HEATR5B: variants seen among roughly 807,000 people sequenced by gnomAD.
HEATR5B encodes the protein HEAT repeat-containing protein 5B.
Under a neutral mutation model 224.1 loss-of-function variants are expected in HEATR5B, and 156 were observed. The ratio of observed to expected loss-of-function variants is 0.70; its 90% CI spans 0.61 to 0.80. HEATR5B has a LOEUF of 0.80. Ranked by LOEUF, HEATR5B falls within the 30% of genes least tolerant of loss-of-function variation. HEATR5B has a pLI of 0.00. For missense variants in HEATR5B, 2,323 were observed against 2,535.5 expected (o/e 0.92, Z 1.80); for synonymous variants, 1,027 against 893.0 (o/e 1.15, Z -2.68).
chr2:37,040,547 T>A lies in HEATR5B; in HGVS notation c.2857-29A>T. ...GAATAAAATATAATTTCATTTTAGT[T>A]GTAAGGAAGAATTCGAATGTACTGA... On this transcript the variant is annotated intron_variant, in intron 19 of 35. Transcript: ENST00000233099. 4 of 1,532,698 alleles carry A rather than the reference T, an allele frequency of 2.6e-6. No individual in the cohort carries two copies. The South Asian group carries it at 4.7e-5, about 18-fold the overall frequency. 94.9% of individuals were successfully genotyped at this position (1,532,698 alleles called of 1,614,324 possible).
rs567847253 is a variant in HEATR5B, at chr2:36,988,718, T to C, written c.5839A>G (p.Ile1947Val). 7.6e-5 allele frequency: 122 copies of C among 1,614,198 alleles called. 1 individual carries two copies. In the South Asian group the frequency reaches 1.3e-3, roughly 17 times the overall value. ...CCTTCTTGAACCGCTAAAAGCTCTA[T>C]GTTACTGGCTGGTCTGTTTCTTTCA... ...AVERNRPASNIELLAVQEGIK... is the reference protein window; with the variant it reads ...AVERNRPASNVELLAVQEGIK... The change falls in exon 35 of 36, where the codon ATA (isoleucine) becomes GTA (valine). Residue 1947 changes from isoleucine to valine, a missense_variant. This residue lies in a region of HEATR5B where 844 missense variants were observed against 812.9 expected (regional missense o/e 1.04). Transcript: ENST00000233099.
chr2:37,084,304 G>T lies in HEATR5B; in HGVS notation c.-58C>A, dbSNP rs750565370. 1.3e-5 allele frequency: 5 copies of T among 397,762 alleles called. No individual in the cohort carries two copies. The highest frequency in any genetic ancestry group is 1.4e-4 in the South Asian group (1 of 7,016). 24.6% of individuals were successfully genotyped at this position (397,762 alleles called of 1,614,324 possible). A position where few individuals can be genotyped will look rare whatever the true frequency, so the allele number is the denominator to read the frequency against. On this transcript the variant is annotated 5_prime_UTR_variant, in exon 1 of 36. Coordinates refer to ENST00000233099, the MANE Select transcript of HEATR5B (RefSeq NM_019024.3). ...GGAAGGGAAGATCAGCTGAGCTCCG[G>T]GGGTAGAAGCAGCCACCAAGAGACC...
At chr2:37,036,162 T>C (rs1171138948) in intron 21 of HEATR5B, among the ~76,000 whole-genome samples, 1 of 152,148 alleles carries the variant, frequency 6.6e-6, no homozygotes, top group African/African-American at 2.4e-5. Context: ...AAGAACAAAA[T>C]GTAAAAAGTG....
At chr2:37,067,116 C>G (rs1671635661) in intron 8 of HEATR5B, among the ~76,000 whole-genome samples, 1 of 152,098 alleles carries the variant, frequency 6.6e-6, no homozygotes, top group Admixed American at 6.5e-5. Flanking sequence ...TCAAGTGATC[C>G]ACCCATCTTG....
At chr2:37,016,141 C>T (rs1408803217) in intron 26 of HEATR5B, among the ~76,000 whole-genome samples, 3 of 134,722 alleles carry the variant, frequency 2.2e-5, no homozygotes, top group Non-Finnish European at 4.6e-5. Context: ...GAGACAGAGT[C>T]TCACTCTGTC....
intron 33 of HEATR5B, 44 bp from the exon 34 acceptor site, chr2:36,990,843 T>C (rs768409731): frequency 2.0e-6 from 3 of 1,489,618 alleles, no homozygotes; most frequent in African/African-American, 2.8e-5. Flanking sequence ...CTAAAACATT[T>C]TGGCATTTTA....
chr2:36,990,449 A>C (rs79026670), intron 34 of HEATR5B, among the ~76,000 whole-genome samples, 199 bp downstream of exon 34: 175 of 152,334 alleles, frequency 1.1e-3, no homozygotes, highest in African/African-American at 3.1e-3. Context: ...CAGATATTGA[A>C]GAATTTCTAC....
Position 37,027,906 on chromosome 2 carries a change from A to T in HEATR5B, c.3853+17T>A. The stretch of plus-strand genomic sequence containing the variant: ...TGTAAAAATGCTTTGGGGAAAAAGT[A>T]CTGATTTTAAATTTACTTGTAGGGT... On this transcript the variant is annotated intron_variant, in intron 24 of 35. Coordinates refer to ENST00000233099, the MANE Select transcript of HEATR5B (RefSeq NM_019024.3). 6.2e-7 allele frequency: 1 copy of T among 1,608,206 alleles called. No homozygotes were observed. Among genetic ancestry groups the T allele is most frequent in the East Asian group, 2.2e-5 (1 of 44,766 alleles).
intron 24 of HEATR5B, among the ~76,000 whole-genome samples, chr2:37,021,974 C>CT (rs1210037666): frequency 4.1e-4 from 61 of 150,326 alleles, no homozygotes; most frequent in Middle Eastern, 3.4e-3. Flanking sequence ...CCTTCGTTCC[C>CT]TTTTTTTTTC....
chr2:37,061,767 A>G (rs1462100952), intron 11 of HEATR5B, among the ~76,000 whole-genome samples, 172 bp downstream of exon 11: 1 of 152,246 alleles, frequency 6.6e-6, no homozygotes, highest in African/African-American at 2.4e-5. Context: ...CTTAAGCAAT[A>G]ATTACCAAAA....
At chr2:37,078,993 C>T in intron 3 of HEATR5B, 127 bp downstream of exon 3, 1 of 582,288 alleles carries the variant, frequency 1.7e-6, no homozygotes, top group South Asian at 2.4e-5. Flanking sequence ...CCACTTAGAG[C>T]TCTCACTGTT....
intron 21 of HEATR5B, among the ~76,000 whole-genome samples, chr2:37,035,305 A>T (rs992298979): frequency 1.3e-5 from 2 of 152,164 alleles, no homozygotes; most frequent in African/African-American, 4.8e-5. Flanking sequence ...TTTAATCCCT[A>T]TATTTATTGA....
intron 27 of HEATR5B, among the ~76,000 whole-genome samples, chr2:37,010,174 G>A (rs1046585279): frequency 1.3e-5 from 2 of 151,904 alleles, no homozygotes; most frequent in African/African-American, 4.8e-5. Context: ...GCTGAATAAC[G>A]TATTAATGAG....
intron 24 of HEATR5B, among the ~76,000 whole-genome samples, chr2:37,022,609 G>C (rs1668534380): frequency 6.6e-6 from 1 of 152,218 alleles, no homozygotes; most frequent in African/African-American, 2.4e-5. Context: ...CTGTAGGTTG[G>C]ATTTGGACTG....
intron 19 of HEATR5B, among the ~76,000 whole-genome samples, 153 bp from the exon 20 acceptor site, chr2:37,040,671 T>C (rs1572869208): frequency 6.6e-6 from 1 of 152,208 alleles, no homozygotes; most frequent in East Asian, 1.9e-4. Context: ...TTCATACACA[T>C]TCTTCATCTT....
chr2:37,061,837 T>G, intron 11 of HEATR5B, 102 bp downstream of exon 11: 1 of 663,532 alleles, frequency 1.5e-6, no homozygotes, highest in Non-Finnish European at 2.6e-6. Flanking sequence ...ACAACTTCAA[T>G]GAAAATCCAG....
At chr2:37,013,012 T>A (rs1035224603) in intron 27 of HEATR5B, among the ~76,000 whole-genome samples, 3 of 152,204 alleles carry the variant, frequency 2.0e-5, no homozygotes, top group East Asian at 1.9e-4. Context: ...CTCACCCCCG[T>A]ATTCTCAACT....
At chr2:37,031,671 C>T (rs1669142194) in intron 22 of HEATR5B, among the ~76,000 whole-genome samples, 1 of 151,938 alleles carries the variant, frequency 6.6e-6, no homozygotes. Context: ...TAATAAACTT[C>T]TTTAATATTC....
At position 37,070,388 on chromosome 2, in the gene HEATR5B, C is replaced by G; in HGVS notation, c.770-1G>C. 6.2e-7 allele frequency: 1 copy of G among 1,610,548 alleles called. No individual in the cohort carries two copies. ...GCTCGCTTCACATTCTGACGCATTA[C>G]TTTCAAGAAGAAAAATTAAAGTATA... On this transcript the variant is annotated splice_acceptor_variant, in intron 6 of 35. Transcript: ENST00000233099. LOFTEE classifies it high-confidence loss of function.
Sources: gnomAD v4.1 joint callset for allele counts (sites outside exome capture counted in the v4.1 genomes callset) on GRCh38, gnomAD v4.1.1 for gene constraint, gnomAD v4.1.1 regional missense constraint, MANE v1.5 for transcripts, NCBI Gene and HGNC (gene_info 2026-07-23, HGNC 2026-07-21) for gene names.